The following DNM1 variants were observed in gnomAD, a reference collection of about 807,000 sequenced individuals.
DNM1 encodes the protein dynamin-1.
A neutral mutation model predicts 104.6 loss-of-function variants in DNM1; 29 were observed. The observed-to-expected ratio is 0.28, with a 90% CI of 0.21 to 0.38. The LOEUF is 0.38. Among genes scored for constraint, DNM1 ranks in the 10% least tolerant of loss-of-function variants. The pLI, the probability that DNM1 is intolerant of heterozygous loss-of-function variation, is 1.00. For synonymous variants in DNM1, 445 were observed against 475.8 expected (o/e 0.94, Z 0.84); for missense variants, 640 against 1,189.4 (o/e 0.54, Z 6.79).
chr9:128,234,123 C>G lies in DNM1; in HGVS notation c.1422+16C>G. ...TAAGGAGCAGGTGAGCCCCGCAGCACCCGGCCTGGCCGCGCCTTCCTTCCA... is the reference window on the plus strand; with the variant it reads ...TAAGGAGCAGGTGAGCCCCGCAGCAGCCGGCCTGGCCGCGCCTTCCTTCCA... On this transcript the variant is annotated intron_variant, in intron 11 of 21. Transcript: ENST00000372923. 1 of 1,514,958 alleles carries G rather than the reference C, an allele frequency of 6.6e-7. No individual in the cohort carries two copies. Among genetic ancestry groups the G allele is most frequent in the Non-Finnish European group, 8.9e-7 (1 of 1,126,790 alleles). The allele number at this position is 1,514,958 out of a possible 1,614,324, so 93.8% of individuals were successfully genotyped here. A position where few individuals can be genotyped will look rare whatever the true frequency, so the allele number is the denominator to read the frequency against.
At chr9:128,232,972 G>A (rs1835790062) in intron 10 of DNM1, among the ~76,000 whole-genome samples, 2 of 152,204 alleles carry the variant, frequency 1.3e-5, no homozygotes, top group Non-Finnish European at 2.9e-5. Flanking sequence ...ATTGGAGGAG[G>A]TGGAGTGGGA....
intron 1 of DNM1, among the ~76,000 whole-genome samples, chr9:128,217,407 T>A (rs1834677245): frequency 6.6e-6 from 1 of 151,806 alleles, no homozygotes. Context: ...GAAGCATGAG[T>A]TTTTTTGTTT....
intron 10 of DNM1, chr9:128,233,801 G>A (rs1835840180): frequency 5.2e-6 from 3 of 575,324 alleles, no homozygotes; most frequent in African/African-American, 3.8e-5. Flanking sequence ...GAACCAGGAA[G>A]ACCCTTGAAT....
Position 128,218,467 on chromosome 9 carries a change from G to C in DNM1, c.236-115G>C. 2 of 1,414,160 alleles carry C rather than the reference G, an allele frequency of 1.4e-6. No homozygotes were observed. The highest frequency in any genetic ancestry group is 2.0e-6 in the Non-Finnish European group (2 of 1,010,624). 87.6% of individuals were successfully genotyped at this position (1,414,160 alleles called of 1,614,324 possible). On this transcript the variant is annotated intron_variant, in intron 2 of 21. Coordinates refer to ENST00000372923, the MANE Select transcript of DNM1 (RefSeq NM_004408.4). The surrounding 1 kb of genome is among the most constrained non-coding windows in gnomAD (Gnocchi z 4.8). ...AAAATACATAATGGAGACGTGGGTGGTGGTTCTGCTTGGGTGTGTCTAGGG... is the reference window on the plus strand; with the variant it reads ...AAAATACATAATGGAGACGTGGGTGCTGGTTCTGCTTGGGTGTGTCTAGGG...
At chr9:128,228,800 T>C (rs1474838301) in intron 10 of DNM1, among the ~76,000 whole-genome samples, 2 of 151,962 alleles carry the variant, frequency 1.3e-5, no homozygotes, top group Non-Finnish European at 2.9e-5. Context: ...CTGACCAATA[T>C]GGTGAAACCC....
chr9:128,222,129 T>A lies in DNM1; in HGVS notation c.850-68T>A. 6.5e-7 allele frequency: 1 copy of A among 1,547,264 alleles called. No homozygotes were observed. Among genetic ancestry groups the A allele is most frequent in the Non-Finnish European group, 8.8e-7 (1 of 1,142,786 alleles). ...ACCTCACCACGTTCACACAGTCCCC[T>A]GGCATCCAAGTCCCTTCCTGGCCCT... On this transcript the variant is annotated intron_variant, in intron 6 of 21. Coordinates refer to ENST00000372923, the MANE Select transcript of DNM1 (RefSeq NM_004408.4). The surrounding 1 kb of genome is among the most constrained non-coding windows in gnomAD (Gnocchi z 7.8).
chr9:128,242,379 G>C (rs973927460), intron 15 of DNM1, 34 bp downstream of exon 15: 1 of 1,261,672 alleles, frequency 7.9e-7, no homozygotes, highest in Non-Finnish European at 1.2e-6. Flanking sequence ...CAAGGGGCTG[G>C]GCTGGTGGAC....
At chr9:128,231,385 G>T (rs1480198643) in intron 10 of DNM1, among the ~76,000 whole-genome samples, 6 of 151,922 alleles carry the variant, frequency 3.9e-5, no homozygotes, top group Non-Finnish European at 7.4e-5. Flanking sequence ...ATTTTTAATA[G>T]AGACGGGGTT....
At chr9:128,225,802 C>T (rs1737031448) in intron 10 of DNM1, among the ~76,000 whole-genome samples, 1 of 152,032 alleles carries the variant, frequency 6.6e-6, no homozygotes, top group South Asian at 2.1e-4. Context: ...CCAGGGGATG[C>T]TTGGCAGCAC....
At chr9:128,226,164 T>C in intron 10 of DNM1, 1 of 1,612,802 alleles carries the variant, frequency 6.2e-7, no homozygotes, top group Non-Finnish European at 8.5e-7. Flanking sequence ...TCAGAAAGTG[T>C]AGCGAAAAGG....
rs933458006 is a variant in DNM1 at position 128,245,922 on chromosome 9, G to A, written c.1672-472G>A. Among the ~76,000 whole-genome samples, 2 of 152,238 alleles carry A rather than the reference G, an allele frequency of 1.3e-5. No homozygotes were observed. The highest frequency in any genetic ancestry group is 2.9e-5 in the Non-Finnish European group (2 of 68,038). On this transcript the variant is annotated intron_variant, in intron 15 of 21. Coordinates refer to ENST00000372923, the MANE Select transcript of DNM1 (RefSeq NM_004408.4). The surrounding 1 kb of genome is among the most constrained non-coding windows in gnomAD (Gnocchi z 5.2). ...GGCACACCATCTCCAGGCTTGTGCT[G>A]GCTGCCTTATTGCTAACACATGGGG...
intron 6 of DNM1, among the ~76,000 whole-genome samples, chr9:128,221,894 G>A (rs574465220): frequency 3.9e-5 from 6 of 152,014 alleles, no homozygotes; most frequent in Admixed American, 2.0e-4. Flanking sequence ...GTGAAACTCC[G>A]TCTCAAAAAA....
Position 128,222,756 on chromosome 9 carries a change from A to G in DNM1, c.1129-37A>G. The G allele has an allele frequency of 6.2e-7, 1 of 1,613,062 alleles. No homozygotes were observed. Reference sequence around the variant, plus strand: ...GTCTTGACCTCCCAGGTAGTAGGACAGGCCCTGACCAGGCTTTTCTCTGCT... The same window carrying G: ...GTCTTGACCTCCCAGGTAGTAGGACGGGCCCTGACCAGGCTTTTCTCTGCT... On this transcript the variant is annotated intron_variant, in intron 8 of 21. Transcript: ENST00000372923. The surrounding 1 kb of genome is among the most constrained non-coding windows in gnomAD (Gnocchi z 7.8).
chr9:128,249,045 T>G (rs1328797681), intron 19 of DNM1, among the ~76,000 whole-genome samples: 1 of 149,416 alleles, frequency 6.7e-6, no homozygotes, highest in Non-Finnish European at 1.5e-5. Flanking sequence ...ATAGAACAAT[T>G]AGCCAGGTGT....
rs1486631555 is a variant in DNM1 at position 128,220,406 on chromosome 9, T to C, written c.849+65T>C. 3.8e-6 allele frequency: 6 copies of C among 1,584,500 alleles called. No individual in the cohort carries two copies. The highest frequency in any genetic ancestry group is 5.1e-6 in the Non-Finnish European group (6 of 1,165,114). Reference sequence around the variant, plus strand: ...ATGAAAACAGGATAAATTAAGTGTGTTCTGAGAGTGAACAGCAGAGGTTAG... The same window carrying C: ...ATGAAAACAGGATAAATTAAGTGTGCTCTGAGAGTGAACAGCAGAGGTTAG... On this transcript the variant is annotated intron_variant, in intron 6 of 21. Coordinates refer to ENST00000372923, the MANE Select transcript of DNM1 (RefSeq NM_004408.4). This position sits in a 1 kb window ranked among gnomAD's most constrained non-coding sequence, Gnocchi z 5.2.
intron 10 of DNM1, chr9:128,233,639 C>T (rs1835830168): frequency 4.3e-6 from 1 of 232,562 alleles, no homozygotes; most frequent in Admixed American, 5.1e-5. Flanking sequence ...CACAGGGTAG[C>T]CCTGAGTATG....
intron 15 of DNM1, 71 bp from the exon 16 acceptor site, chr9:128,246,323 G>A (rs908036400): frequency 6.7e-6 from 7 of 1,048,002 alleles, no homozygotes; most frequent in Admixed American, 3.4e-5. Context: ...CAGTCAGGGG[G>A]ACTCTTAGAG....
rs371647315 is a variant in DNM1, at chr9:128,250,313, G to A, written c.2275G>A (p.Asp759Asn). ...CAGCACGCCCATGCCCCCGCCCGTG[G>A]ACGACTCCTGGCTGCAGGTGCAGAG... ...TVSTPMPPPV[D>N]DSWLQVQSVP... Residue 759 changes from aspartate (D) to asparagine (N), a missense_variant, in exon 20 of 22, where the codon GAC (aspartate) becomes AAC (asparagine). This residue lies in a region of DNM1 where 129 missense variants were observed against 224.6 expected (regional missense o/e 0.57). Transcript: ENST00000372923. The A allele has an allele frequency of 1.2e-6, 2 of 1,605,972 alleles. No individual in the cohort carries two copies. The highest frequency in any genetic ancestry group is 1.7e-6 in the Non-Finnish European group (2 of 1,176,606).
rs1434446525 is a variant in DNM1, at chr9:128,221,314, T to C, written c.850-883T>C. On this transcript the variant is annotated intron_variant, in intron 6 of 21. Transcript: ENST00000372923. ...CATGTTAGCCAGGCTGGTCTCGTAC[T>C]CCTGACATCAGGTGATCTGCCCGCC... is the stretch of plus-strand genomic sequence containing the variant. 5 of 152,220 alleles carry C rather than the reference T, an allele frequency of 3.3e-5. 1 individual carries two copies. The highest frequency in any genetic ancestry group is 2.0e-4 in the Admixed American group (3 of 15,276). The allele number at this position is 152,220 out of a possible 1,614,324, so 9.4% of individuals were successfully genotyped here.
Sources: gnomAD v4.1 joint callset for allele counts (sites outside exome capture counted in the v4.1 genomes callset) on GRCh38, gnomAD v4.1.1 for gene constraint, gnomAD v4.1.1 regional missense constraint, Gnocchi (gnomAD v3.1) non-coding constraint, MANE v1.5 for transcripts, NCBI Gene and HGNC (gene_info 2026-07-23, HGNC 2026-07-21) for gene names.